Variants in VWA3B observed in about 807,000 individuals in gnomAD.
The protein encoded by VWA3B is von Willebrand factor A domain containing 3B, also known as von Willebrand factor A domain-containing protein 3B.
A neutral mutation model predicts 158.3 loss-of-function variants in VWA3B; 138 were observed. That is an observed-to-expected ratio of 0.87 (90% confidence interval 0.76 to 1.00). VWA3B has a LOEUF of 1.00. Ranked by LOEUF, VWA3B falls within the 50% of genes least tolerant of loss-of-function variation. The pLI, the probability that VWA3B is intolerant of heterozygous loss-of-function variation, is 0.00. For synonymous variants in VWA3B, 596 were observed against 587.3 expected (o/e 1.01, Z -0.21); for missense variants, 1,555 against 1,565.1 (o/e 0.99, Z 0.11).
intron 3 of VWA3B, among the ~76,000 whole-genome samples, chr2:98,118,866 T>C (rs1158819512): frequency 2.0e-5 from 3 of 152,238 alleles, no homozygotes; most frequent in African/African-American, 7.2e-5. Context: ...CCTTGCACAG[T>C]GTGTCTGATC....
intron 14 of VWA3B, among the ~76,000 whole-genome samples, chr2:98,219,803 G>C (rs1684335138): frequency 6.6e-6 from 1 of 152,172 alleles, no homozygotes; most frequent in Admixed American, 6.5e-5. Context: ...CTGAGAGACT[G>C]TCCACATAGA....
intron 7 of VWA3B, among the ~76,000 whole-genome samples, chr2:98,161,093 C>T (rs1197696831): frequency 6.6e-6 from 1 of 152,172 alleles, no homozygotes; most frequent in Non-Finnish European, 1.5e-5. Context: ...GGAGGGTGGT[C>T]TCTCATCATC....
chr2:98,284,904 G>A (rs578169327), intron 22 of VWA3B, among the ~76,000 whole-genome samples: 1 of 152,276 alleles, frequency 6.6e-6, no homozygotes, highest in African/African-American at 2.4e-5. Flanking sequence ...AAAGTCCTAT[G>A]TGGTTTATCT....
intron 2 of VWA3B, among the ~76,000 whole-genome samples, chr2:98,103,270 G>A (rs1401764167): frequency 6.6e-6 from 1 of 151,692 alleles, no homozygotes; most frequent in African/African-American, 2.4e-5. Flanking sequence ...AAAATTCTTT[G>A]TCTTCTATTT....
Position 98,162,965 on chromosome 2 carries a change from C to T in VWA3B, c.1103C>T (p.Thr368Ile). 6 of 1,614,164 alleles carry T rather than the reference C, an allele frequency of 3.7e-6. No individual in the cohort carries two copies. The highest frequency in any genetic ancestry group is 5.1e-6 in the Non-Finnish European group (6 of 1,180,032). ...GAGCCTCCCAAGCCCGACGTGGCCA[C>T]TGTGGACTGCGGTTGGTGCTATTTC... The part of the protein sequence containing the change: ...VAEPPKPDVA[T>I]VDCESETTSV... The change falls in exon 8 of 28, where the codon ACT becomes ATT. Residue 368 changes from threonine to isoleucine, a missense_variant. Physicochemically the swap from Thr to Ile is moderately conservative, Grantham distance 89. Transcript: ENST00000477737.
the VWA3B span, among the ~76,000 whole-genome samples, chr2:98,330,094 G>A: frequency 7.9e-5 from 12 of 152,190 alleles, no homozygotes; most frequent in Non-Finnish European, 5.9e-5. Flanking sequence ...CTGCTCTCAC[G>A]TGGGTCTCCT....
At chr2:98,124,158 G>T (rs2104986596) in intron 5 of VWA3B, among the ~76,000 whole-genome samples, 1 of 152,314 alleles carries the variant, frequency 6.6e-6, no homozygotes, top group Admixed American at 6.5e-5. Context: ...TAGTGGTTCA[G>T]GCAGGCATCA....
intron 13 of VWA3B, among the ~76,000 whole-genome samples, chr2:98,213,385 A>G (rs1683705157): frequency 6.6e-6 from 1 of 152,150 alleles, no homozygotes; most frequent in Non-Finnish European, 1.5e-5. Context: ...GTGCCAAGGA[A>G]AGGCTGGCGC....
intron 25 of VWA3B, among the ~76,000 whole-genome samples, 154 bp downstream of exon 25, chr2:98,300,370 C>A (rs927449651): frequency 6.6e-6 from 1 of 152,236 alleles, no homozygotes; most frequent in Non-Finnish European, 1.5e-5. Context: ...CCGTGCCACA[C>A]AGACCCTGCC....
At chr2:98,128,147 G>C in intron 5 of VWA3B, 92 bp from the exon 6 acceptor site, 1 of 1,461,062 alleles carries the variant, frequency 6.8e-7, no homozygotes. Flanking sequence ...TTTTTTCTAA[G>C]AGATCGTTTT....
chr2:98,129,894 G>A (rs1675725765), intron 6 of VWA3B, among the ~76,000 whole-genome samples: 1 of 152,154 alleles, frequency 6.6e-6, no homozygotes, highest in African/African-American at 2.4e-5. Flanking sequence ...CCATGAAGGG[G>A]TGGGTTGCCC....
chr2:98,281,968 C>T (rs1217989786), intron 22 of VWA3B, among the ~76,000 whole-genome samples: 1 of 152,150 alleles, frequency 6.6e-6, no homozygotes, highest in African/African-American at 2.4e-5. Flanking sequence ...CTTTCATCAC[C>T]CATGGGTTTC....
intron 14 of VWA3B, among the ~76,000 whole-genome samples, chr2:98,225,485 A>G (rs1684848908): frequency 1.3e-5 from 2 of 152,204 alleles, no homozygotes; most frequent in Non-Finnish European, 2.9e-5. Context: ...ACCTACAGCT[A>G]AAGTCATACT....
chr2:98,300,087 T>A lies in VWA3B; in HGVS notation c.3291T>A (p.Asp1097Glu). The A allele has an allele frequency of 6.2e-7, 1 of 1,614,198 alleles. No homozygotes were observed. Among genetic ancestry groups the A allele is most frequent in the South Asian group, 1.1e-5 (1 of 91,078 alleles). ...AMPCPLLQVG[D>E]YVFAKIVIPK... ...TATGTTCTCCTCTGCAGGTTGGAGATTATGTGTTTGCCAAAATTGTGATAC... is the reference window on the plus strand; with the variant it reads ...TATGTTCTCCTCTGCAGGTTGGAGAATATGTGTTTGCCAAAATTGTGATAC... Residue 1097 changes from aspartate (D) to glutamate (E), a missense_variant, in exon 25 of 28, where the codon GAT (aspartate) becomes GAA (glutamate). Coordinates refer to ENST00000477737, the MANE Select transcript of VWA3B (RefSeq NM_144992.5).
chr2:98,166,915 G>C (rs956418528), intron 8 of VWA3B, among the ~76,000 whole-genome samples: 21 of 151,948 alleles, frequency 1.4e-4, no homozygotes, highest in Non-Finnish European at 7.4e-5. Flanking sequence ...AGTTTGGCTG[G>C]GACCTTTCAT....
At chr2:98,203,121 A>G (rs115318444) in intron 12 of VWA3B, among the ~76,000 whole-genome samples, 18,274 of 152,114 alleles carry the variant, frequency 0.12, 1,377 homozygotes, top group Non-Finnish European at 0.16. Flanking sequence ...GTGAGCCACC[A>G]CACCCGGCCG....
chr2:98,298,184 T>A (rs2105975601), intron 24 of VWA3B, among the ~76,000 whole-genome samples, 153 bp downstream of exon 24: 1 of 152,270 alleles, frequency 6.6e-6, no homozygotes, highest in Middle Eastern at 3.4e-3. Flanking sequence ...TGGCCCCTGT[T>A]CTGGGACCTG....
chr2:98,264,642 C>A (rs1478643685), intron 21 of VWA3B, among the ~76,000 whole-genome samples: 3 of 151,996 alleles, frequency 2.0e-5, no homozygotes, highest in Non-Finnish European at 4.4e-5. Flanking sequence ...TCAGTCTATT[C>A]TGGAGAATAT....
intron 12 of VWA3B, chr2:98,206,969 C>T (rs1260922255): frequency 6.2e-6 from 3 of 482,110 alleles, no homozygotes; most frequent in Non-Finnish European, 1.2e-5. Context: ...ATGAATGAAC[C>T]ACATGCTACT....
Sources: allele counts gnomAD v4.1 joint callset (sites outside exome capture counted in the v4.1 genomes callset), GRCh38; gene constraint gnomAD v4.1.1; transcripts MANE v1.5; gene names NCBI Gene and HGNC (gene_info 2026-07-23, HGNC 2026-07-21).